Variants in EXPH5 observed in about 807,000 individuals in gnomAD.
EXPH5 encodes exophilin-5.
A neutral mutation model predicts 41.1 loss-of-function variants in EXPH5; 42 were observed. That is an observed-to-expected ratio of 1.02 (90% CI 0.80 to 1.32). The LOEUF (loss-of-function observed/expected upper bound fraction) is 1.32. Ranked by LOEUF, EXPH5 falls within the 40% of genes most tolerant of loss-of-function variation. The probability of loss-of-function intolerance (pLI) is 0.00; values close to 1 mark genes in which losing one functional copy is unlikely to be tolerated. For synonymous variants in EXPH5, 798 were observed against 833.5 expected (o/e 0.96, Z 0.73); for missense variants, 2,298 against 2,314.5 (o/e 0.99, Z 0.15).
At chr11:108,569,816 T>C (rs2094052015) in intron 1 of EXPH5, among the ~76,000 whole-genome samples, 1 of 133,462 alleles carries the variant, frequency 7.5e-6, no homozygotes, top group Admixed American at 7.9e-5. Context: ...TATGGGGCTC[T>C]CACTTTACAG....
At chr11:108,522,569 G>C (rs2135963254) in intron 4 of EXPH5, among the ~76,000 whole-genome samples, 2 of 152,302 alleles carry the variant, frequency 1.3e-5, no homozygotes, top group South Asian at 2.1e-4. Flanking sequence ...TCATGATCAA[G>C]TTTTGCAGCT....
At position 108,543,574 on chromosome 11, in the gene EXPH5, C is replaced by T. The variant is rs535518244; in HGVS notation, c.120-1762G>A. On this transcript the variant is annotated intron_variant, in intron 1 of 5. Transcript: ENST00000265843. ...GCAGCTGTTATCCTTTGTTCAGGGT[C>T]TGTCGTAAAGCACAAGTGTTAGGGT... 1.5e-3 allele frequency among the ~76,000 whole-genome samples: 223 copies of T among 152,258 alleles called. 9 individuals are homozygous for T. In the South Asian group the frequency reaches 0.045, roughly 31 times the overall value.
At chr11:108,564,229 A>C (rs1343192708) in intron 1 of EXPH5, among the ~76,000 whole-genome samples, 1 of 152,318 alleles carries the variant, frequency 6.6e-6, no homozygotes, top group South Asian at 2.1e-4. Flanking sequence ...CAGAGGTTGC[A>C]GTGAGCTGAG....
At chr11:108,532,138 A>G (rs1449054133) in intron 3 of EXPH5, among the ~76,000 whole-genome samples, 2 of 149,436 alleles carry the variant, frequency 1.3e-5, no homozygotes, top group African/African-American at 4.9e-5. Context: ...GTTCCTACAT[A>G]CTTTCCAGCC....
chr11:108,518,535 C>A (rs1194697914), intron 4 of EXPH5, among the ~76,000 whole-genome samples, 162 bp from the exon 5 acceptor site: 1 of 152,128 alleles, frequency 6.6e-6, no homozygotes, highest in Admixed American at 6.5e-5. Context: ...TTGTTTTTGC[C>A]ATTTGTAACT....
chr11:108,546,281 C>T (rs1366762087), intron 1 of EXPH5, among the ~76,000 whole-genome samples: 3 of 151,972 alleles, frequency 2.0e-5, no homozygotes, highest in African/African-American at 2.4e-5. Context: ...GGATAAGACC[C>T]GTTGGATTTG....
chr11:108,569,286 C>T (rs2094049034), intron 1 of EXPH5, among the ~76,000 whole-genome samples: 2 of 151,468 alleles, frequency 1.3e-5, no homozygotes, highest in South Asian at 4.2e-4. Context: ...CTCTGTGTGA[C>T]TATCTTATCA....
At chr11:108,604,637 A>G in the EXPH5 span, among the ~76,000 whole-genome samples, 1 of 152,088 alleles carries the variant, frequency 6.6e-6, no homozygotes, top group African/African-American at 2.4e-5. Flanking sequence ...TGGGAAGTCA[A>G]TGGGAATGTG....
intron 1 of EXPH5, among the ~76,000 whole-genome samples, chr11:108,552,599 G>A (rs2093971594): frequency 6.6e-6 from 1 of 152,146 alleles, no homozygotes; most frequent in Non-Finnish European, 1.5e-5. Context: ...CCTACTCTAC[G>A]ATAAAAAGCA....
At chr11:108,604,027 A>G in the EXPH5 span, among the ~76,000 whole-genome samples, 2 of 152,138 alleles carry the variant, frequency 1.3e-5, no homozygotes, top group African/African-American at 4.8e-5. Context: ...CAGGTCAGAA[A>G]AGAAGATCTG....
intron 1 of EXPH5, among the ~76,000 whole-genome samples, chr11:108,571,512 C>CT (rs1209222259): frequency 6.6e-6 from 1 of 152,056 alleles, no homozygotes; most frequent in Non-Finnish European, 1.5e-5. Context: ...GAGTGAAGAG[C>CT]TTTTTTTACT....
At chr11:108,517,416 G>A (rs766490103) in intron 5 of EXPH5, among the ~76,000 whole-genome samples, 1 of 152,156 alleles carries the variant, frequency 6.6e-6, no homozygotes, top group Admixed American at 6.5e-5. Flanking sequence ...GTCTCTACCC[G>A]ACTGCTGTCC....
rs2093697806 is a variant in EXPH5, at chr11:108,513,381, T to C, written c.2126A>G (p.Glu709Gly). Residue 709 changes from glutamate to glycine, a missense_variant, in exon 6 of 6, where the codon GAA (glutamate) becomes GGA (glycine). By Grantham distance (98) the Glu-to-Gly change is moderately conservative. Transcript: ENST00000265843. ...CATCTTGCTTAGCTGTTTGTCTTCT[T>C]CTGAAATAGATTCATTTAAGTCTTT... ...NEKDLNESIS[E>G]EDKQLSKMDQ... The C allele has an allele frequency of 3.1e-6, 5 of 1,614,010 alleles. No individual in the cohort carries two copies. In the South Asian group the frequency reaches 5.5e-5, roughly 18 times the overall value.
At chr11:108,578,300 C>A (rs758048635) in intron 1 of EXPH5, among the ~76,000 whole-genome samples, 2 of 152,124 alleles carry the variant, frequency 1.3e-5, no homozygotes, top group African/African-American at 4.8e-5. Context: ...GGATCCTTTC[C>A]CCATTGTATA....
Position 108,512,052 on chromosome 11 carries a change from A to T in EXPH5, c.3455T>A (p.Leu1152Gln). Residue 1152 changes from leucine to glutamine, a missense_variant, in exon 6 of 6, where the codon CTA becomes CAA. Physicochemically the swap from Leu to Gln is moderately radical, Grantham distance 113. Transcript: ENST00000265843. Reference protein sequence around the residue: ...PLTSGMDASELTPRAWERIIS... With the variant: ...PLTSGMDASEQTPRAWERIIS... ...GATTCTCTCCCAAGCCCTTGGTGTTAGCTCAGAAGCATCCATGCCTGAGGT... is the reference window on the plus strand; with the variant it reads ...GATTCTCTCCCAAGCCCTTGGTGTTTGCTCAGAAGCATCCATGCCTGAGGT... 1 of 1,602,168 alleles carries T rather than the reference A, an allele frequency of 6.2e-7. No homozygotes were observed. The highest frequency in any genetic ancestry group is 8.5e-7 in the Non-Finnish European group (1 of 1,176,240).
chr11:108,547,931 GA>G, intron 1 of EXPH5, among the ~76,000 whole-genome samples: 1 of 151,940 alleles, frequency 6.6e-6, no homozygotes, highest in South Asian at 2.1e-4. Context: ...CCAACATGGC[GA>G]AACACCATCT....
At chr11:108,603,506 G>A in the EXPH5 span, among the ~76,000 whole-genome samples, 1 of 152,066 alleles carries the variant, frequency 6.6e-6, no homozygotes, top group African/African-American at 2.4e-5. Flanking sequence ...GTGAGAATCC[G>A]TTTCTTAAAA....
chr11:108,606,528 C>T, the EXPH5 span, among the ~76,000 whole-genome samples: 1 of 152,186 alleles, frequency 6.6e-6, no homozygotes, highest in Non-Finnish European at 1.5e-5. Context: ...AACTTACTCA[C>T]CTTTTTTTAA....
At chr11:108,550,823 G>C (rs886536030) in intron 1 of EXPH5, among the ~76,000 whole-genome samples, 2 of 151,792 alleles carry the variant, frequency 1.3e-5, no homozygotes, top group African/African-American at 4.8e-5. Context: ...ATAAAATTTG[G>C]GGTGGTTCGT....
Sources: gnomAD v4.1 joint callset for allele counts (sites outside exome capture counted in the v4.1 genomes callset) on GRCh38, gnomAD v4.1.1 for gene constraint, MANE v1.5 for transcripts, NCBI Gene and HGNC (gene_info 2026-07-23, HGNC 2026-07-21) for gene names.